Variants in BUD31 observed in about 807,000 individuals in gnomAD.
BUD31 encodes the protein protein BUD31 homolog.
In BUD31, 9 loss-of-function variants were observed where a neutral mutation model predicts 17.9. The ratio of observed to expected loss-of-function variants is 0.50; its 90% confidence interval spans 0.30 to 0.88. The LOEUF (loss-of-function observed/expected upper bound fraction) is 0.88. Among genes scored for constraint, BUD31 ranks in the 40% least tolerant of loss-of-function variants. BUD31 has a pLI of 0.06. For synonymous variants in BUD31, 70 were observed against 64.7 expected (o/e 1.08, Z -0.39); for missense variants, 148 against 184.5 (o/e 0.80, Z 1.15).
At chr7:99,412,443 T>A (rs1795227250) in intron 3 of BUD31, among the ~76,000 whole-genome samples, 1 of 152,204 alleles carries the variant, frequency 6.6e-6, no homozygotes, top group African/African-American at 2.4e-5. Context: ...TTTGTTTTTG[T>A]TTTGAGACAA....
intron 4 of BUD31, 186 bp downstream of exon 4, chr7:99,416,446 G>A: frequency 1.6e-6 from 1 of 640,994 alleles, no homozygotes; most frequent in Non-Finnish European, 2.4e-6. Context: ...TTGAGATGGA[G>A]TCTCACTCTG....
Position 99,411,199 on chromosome 7 carries a change from G to A in BUD31, c.94+13G>A. 1 of 1,609,748 alleles carries A rather than the reference G, an allele frequency of 6.2e-7. No individual in the cohort carries two copies. Among genetic ancestry groups the A allele is most frequent in the Non-Finnish European group, 8.5e-7 (1 of 1,176,352 alleles). On this transcript the variant is annotated intron_variant, in intron 3 of 5. Coordinates refer to ENST00000222969, the MANE Select transcript of BUD31 (RefSeq NM_003910.4). ...AAGATGAGAGAAGGTGAGTAGGGGAGTTCCTGTCTGGGTGGGCTGGGTCCA... is the reference window on the plus strand; with the variant it reads ...AAGATGAGAGAAGGTGAGTAGGGGAATTCCTGTCTGGGTGGGCTGGGTCCA...
At position 99,417,556 on chromosome 7, in the gene BUD31, G is replaced by A. The variant is rs116357221; in HGVS notation, c.345G>A (p.Thr115=). Residue 115 remains threonine, a synonymous_variant, in exon 5 of 6, where the codon ACG becomes ACA. Transcript: ENST00000222969. ...AGACACGGGACACCAACTTCGGGAC[G>A]AACTGCATCTGCCGCGTGCCCAAAA... is the stretch of plus-strand genomic sequence containing the variant. ...CIQTRDTNFG[T]NCICRVPKSK... 10 of 1,612,540 alleles carry A rather than the reference G, an allele frequency of 6.2e-6. No individual in the cohort carries two copies. In the African/African-American group the frequency reaches 6.7e-5, roughly 11 times the overall value.
chr7:99,414,949 C>G (rs1795332258), intron 3 of BUD31, among the ~76,000 whole-genome samples: 1 of 152,160 alleles, frequency 6.6e-6, no homozygotes, highest in Admixed American at 6.5e-5. Flanking sequence ...AGTGGCTCCA[C>G]CATTTTACAT....
intron 3 of BUD31, among the ~76,000 whole-genome samples, chr7:99,414,910 C>T (rs1429349456): frequency 2.6e-5 from 4 of 152,166 alleles, no homozygotes; most frequent in Admixed American, 2.0e-4. Context: ...CCCTGTTTAA[C>T]TTCTTGAGGA....
chr7:99,417,929 C>T, intron 5 of BUD31: 1 of 1,272,798 alleles, frequency 7.9e-7, no homozygotes, highest in Non-Finnish European at 1.0e-6. Flanking sequence ...GTTCCTGTCC[C>T]TTTCAGTCCT....
chr7:99,417,670 G>A (rs1433655130), intron 5 of BUD31, 75 bp downstream of exon 5: 2 of 1,583,500 alleles, frequency 1.3e-6, no homozygotes, highest in East Asian at 4.5e-5. Flanking sequence ...GGGATCTTAT[G>A]TTATTTGGTT....
chr7:99,418,573 G>A (rs1795638645), intron 5 of BUD31: 1 of 152,786 alleles, frequency 6.5e-6, no homozygotes, highest in African/African-American at 2.4e-5. Context: ...GGATGCTGAG[G>A]ACTTGGGTAC....
Position 99,412,301 on chromosome 7 carries a change from G to A in BUD31, c.94+1115G>A, listed in dbSNP as rs560756636. Among the ~76,000 whole-genome samples the A allele has an allele frequency of 2.0e-3, 298 of 152,330 alleles. 1 individual carries two copies. Among genetic ancestry groups the A allele is most frequent in the Middle Eastern group, 3.4e-3 (1 of 294 alleles). On this transcript the variant is annotated intron_variant, in intron 3 of 5. Coordinates refer to ENST00000222969, the MANE Select transcript of BUD31 (RefSeq NM_003910.4). ...GAAATGGGAGCATGCTGGAATAGAA[G>A]AGATTTTGCAAGTCCTTGAAAGTAA...
Position 99,417,092 on chromosome 7 carries a change from T to C in BUD31, c.218-337T>C. The C allele has an allele frequency of 8.5e-6, 2 of 234,146 alleles. 1 individual carries two copies. The highest frequency in any genetic ancestry group is 1.7e-5 in the Non-Finnish European group (2 of 117,068). The allele number at this position is 234,146 out of a possible 1,614,324, so 14.5% of individuals were successfully genotyped here. A position where few individuals can be genotyped will look rare whatever the true frequency, so the allele number is the denominator to read the frequency against. On this transcript the variant is annotated intron_variant, in intron 4 of 5. Coordinates refer to ENST00000222969, the MANE Select transcript of BUD31 (RefSeq NM_003910.4). ...TTTTTTTTTTGAGATGGAGTTTCGCTGTCACCCAGGCTGGAGTCCAGTGGC... is the reference window on the plus strand; with the variant it reads ...TTTTTTTTTTGAGATGGAGTTTCGCCGTCACCCAGGCTGGAGTCCAGTGGC...
At chr7:99,416,438 G>C (rs891840652) in intron 4 of BUD31, 178 bp downstream of exon 4, 3 of 731,552 alleles carry the variant, frequency 4.1e-6, no homozygotes, top group Non-Finnish European at 6.2e-6. Context: ...TGTTTGTTTT[G>C]AGATGGAGTC....
chr7:99,410,992 G>C (rs1795159077), intron 2 of BUD31, 72 bp from the exon 3 acceptor site: 1 of 976,394 alleles, frequency 1.0e-6, no homozygotes, highest in Non-Finnish European at 1.6e-6. Context: ...AAGTCAGCCT[G>C]TACCGAAATA....
Position 99,416,347 on chromosome 7 carries a change from T to G in BUD31, c.217+87T>G, listed in dbSNP as rs148911347. The G allele has an allele frequency of 2.2e-4, 336 of 1,495,684 alleles. 4 individuals carry two copies. The Admixed American group carries it at 6.5e-3, about 29-fold the overall frequency. 92.7% of individuals were successfully genotyped at this position (1,495,684 alleles called of 1,614,324 possible). On this transcript the variant is annotated intron_variant, in intron 4 of 5. Coordinates refer to ENST00000222969, the MANE Select transcript of BUD31 (RefSeq NM_003910.4). Reference sequence around the variant, plus strand: ...CCACAATCCTTATTCTCGCAACCTGTGCAAGTCATGGTTTTTCTTACCACG... The same window carrying G: ...CCACAATCCTTATTCTCGCAACCTGGGCAAGTCATGGTTTTTCTTACCACG...
At chr7:99,415,828 T>C (rs1795412624) in intron 3 of BUD31, among the ~76,000 whole-genome samples, 1 of 152,212 alleles carries the variant, frequency 6.6e-6, no homozygotes, top group South Asian at 2.1e-4. Flanking sequence ...TCCTAGGTTA[T>C]GATTGTCGAG....
At chr7:99,409,776 G>GC (rs1795101950) in intron 1 of BUD31, among the ~76,000 whole-genome samples, 1 of 126,040 alleles carries the variant, frequency 7.9e-6, no homozygotes, top group African/African-American at 3.0e-5. Context: ...GGGCGGGGGG[G>GC]GGGTGGGTCT....
intron 3 of BUD31, among the ~76,000 whole-genome samples, chr7:99,414,673 T>G (rs1293577304): frequency 6.6e-6 from 1 of 152,162 alleles, no homozygotes; most frequent in African/African-American, 2.4e-5. Context: ...CTCAGCTCAC[T>G]GCATCCTCCG....
intron 3 of BUD31, among the ~76,000 whole-genome samples, chr7:99,413,752 C>G (rs1203207443): frequency 6.6e-6 from 1 of 152,094 alleles, no homozygotes; most frequent in African/African-American, 2.4e-5. Flanking sequence ...CCACCATGCC[C>G]AGATAATTTT....
At chr7:99,416,892 TA>T (rs1795507454) in intron 4 of BUD31, 1 of 163,004 alleles carries the variant, frequency 6.1e-6, no homozygotes, top group South Asian at 1.5e-4. Context: ...AGCTAATTTT[TA>T]AATTTTTTGT....
intron 4 of BUD31, chr7:99,417,164 C>A (rs1416793836): frequency 5.3e-6 from 2 of 374,784 alleles, no homozygotes; most frequent in East Asian, 6.7e-5. Flanking sequence ...TCAAGTGATT[C>A]TCCTGCCTCA....
Sources: allele counts gnomAD v4.1 joint callset (sites outside exome capture counted in the v4.1 genomes callset), GRCh38; gene constraint gnomAD v4.1.1; transcripts MANE v1.5; gene names NCBI Gene and HGNC (gene_info 2026-07-23, HGNC 2026-07-21).